The following GRIN2A variants were observed in gnomAD, a reference collection of about 807,000 sequenced individuals.
GRIN2A encodes the protein glutamate ionotropic receptor NMDA type subunit 2A, also known as glutamate receptor ionotropic, NMDA 2A.
A neutral mutation model predicts 113.4 loss-of-function variants in GRIN2A; 22 were observed. That is an observed-to-expected ratio of 0.19 (90% CI 0.14 to 0.28). The LOEUF (loss-of-function observed/expected upper bound fraction) is 0.28, where lower values mean the gene tolerates loss of function less well. GRIN2A is among the 10% of genes least tolerant of loss of function. The probability of loss-of-function intolerance (pLI) is 1.00; values close to 1 mark genes in which losing one functional copy is unlikely to be tolerated. For missense variants in GRIN2A, 1,502 were observed against 1,887.0 expected (o/e 0.80, Z 3.78); for synonymous variants, 827 against 738.4 (o/e 1.12, Z -1.94).
chr16:9,884,139 C>T (rs766705150), intron 4 of GRIN2A, among the ~76,000 whole-genome samples: 3 of 152,106 alleles, frequency 2.0e-5, no homozygotes, highest in South Asian at 2.1e-4. Flanking sequence ...TATATCAAAA[C>T]GTCATGTGCA....
At chr16:10,171,381 A>G (rs1301061759) in intron 2 of GRIN2A, 2 of 152,126 alleles carry the variant, frequency 1.3e-5, no homozygotes, top group East Asian at 3.8e-4. Context: ...ATATGTCCAC[A>G]CTCTAAATCC....
intron 5 of GRIN2A, among the ~76,000 whole-genome samples, chr16:9,845,148 C>G (rs2042750149): frequency 1.3e-5 from 2 of 152,126 alleles, no homozygotes; most frequent in African/African-American, 4.8e-5. Context: ...GTAAACTCCT[C>G]ATATCCCCAA....
chr16:10,055,061 A>C (rs2047424823), intron 2 of GRIN2A, among the ~76,000 whole-genome samples: 1 of 79,308 alleles, frequency 1.3e-5, no homozygotes, highest in African/African-American at 5.9e-5. Flanking sequence ...AAAAAAAAAA[A>C]AAAAAAAAAA....
At chr16:10,126,971 A>C (rs1310507127) in intron 2 of GRIN2A, among the ~76,000 whole-genome samples, 1 of 152,114 alleles carries the variant, frequency 6.6e-6, no homozygotes, top group Non-Finnish European at 1.5e-5. Context: ...TTTCTGGGGG[A>C]GTTGGAGCTG....
chr16:10,179,950 A>C, intron 2 of GRIN2A, 48 bp downstream of exon 2: 1 of 1,414,334 alleles, frequency 7.1e-7, no homozygotes, highest in Non-Finnish European at 9.6e-7. Context: ...GCTGCCATGC[A>C]GCTGGTGGCT....
At chr16:9,794,026 T>A (rs1902796015) in intron 11 of GRIN2A, among the ~76,000 whole-genome samples, 1 of 152,218 alleles carries the variant, frequency 6.6e-6, no homozygotes, top group Non-Finnish European at 1.5e-5. Flanking sequence ...TCTCAGTAAA[T>A]GTTGGGTATC....
Position 9,756,277 on chromosome 16 carries a change from C to G in GRIN2A, c.*6872G>C, listed in dbSNP as rs1900345846. On this transcript the variant is annotated 3_prime_UTR_variant, in exon 13 of 13. Transcript: ENST00000330684. ...ACATGCTAAGTAGAGAAAATAACTC[C>G]CCAGAAATTTTTTTAAATGCTAAGT... The G allele has an allele frequency of 4.4e-6, 1 of 228,146 alleles. No individual in the cohort carries two copies. Among genetic ancestry groups the G allele is most frequent in the Admixed American group, 5.7e-5 (1 of 17,584 alleles). 14.1% of individuals were successfully genotyped at this position (228,146 alleles called of 1,614,324 possible). A position where few individuals can be genotyped will look rare whatever the true frequency, so the allele number is the denominator to read the frequency against.
intron 2 of GRIN2A, among the ~76,000 whole-genome samples, chr16:10,117,672 C>G (rs2048753874): frequency 6.6e-6 from 1 of 152,196 alleles, no homozygotes; most frequent in Non-Finnish European, 1.5e-5. Context: ...GAACCATATG[C>G]TCCATCTCTG....
chr16:9,797,118 C>A (rs1903042358), intron 11 of GRIN2A, among the ~76,000 whole-genome samples: 1 of 152,232 alleles, frequency 6.6e-6, no homozygotes, highest in Non-Finnish European at 1.5e-5. Flanking sequence ...TAACCTCTGC[C>A]TATTTTGATA....
chr16:10,037,727 G>A (rs2047061772), intron 2 of GRIN2A, among the ~76,000 whole-genome samples: 1 of 152,114 alleles, frequency 6.6e-6, no homozygotes, highest in Admixed American at 6.5e-5. Flanking sequence ...CTGGACTCAG[G>A]TGATCCTCCC....
At chr16:9,975,226 TC>T (rs2045752251) in intron 2 of GRIN2A, among the ~76,000 whole-genome samples, 1 of 151,952 alleles carries the variant, frequency 6.6e-6, no homozygotes, top group South Asian at 2.1e-4. Flanking sequence ...GCAAAATGGA[TC>T]CCCCAAAGAT....
At position 9,760,355 on chromosome 16, in the gene GRIN2A, A is replaced by G; in HGVS notation, c.*2794T>C. The G allele has an allele frequency of 5.4e-6, 1 of 184,886 alleles. No homozygotes were observed. Among genetic ancestry groups the G allele is most frequent in the Non-Finnish European group, 1.0e-5 (1 of 95,430 alleles). 11.5% of individuals were successfully genotyped at this position (184,886 alleles called of 1,614,324 possible). A position where few individuals can be genotyped will look rare whatever the true frequency, so the allele number is the denominator to read the frequency against. ...CTCTACATCTTTTCCTTAGAAATTG[A>G]CCATCTGATCAGTAGTTGATTTTTT... On this transcript the variant is annotated 3_prime_UTR_variant, in exon 13 of 13. Transcript: ENST00000330684.
At chr16:10,154,942 C>T (rs1361529385) in intron 2 of GRIN2A, among the ~76,000 whole-genome samples, 1 of 152,214 alleles carries the variant, frequency 6.6e-6, no homozygotes, top group African/African-American at 2.4e-5. Flanking sequence ...GAAGGGGAGT[C>T]TTCTGATCAA....
At chr16:10,044,410 T>C (rs1248194561) in intron 2 of GRIN2A, among the ~76,000 whole-genome samples, 1 of 151,870 alleles carries the variant, frequency 6.6e-6, no homozygotes, top group Non-Finnish European at 1.5e-5. Context: ...ACAGAAAAGT[T>C]TGACTTGCCT....
At chr16:9,981,941 C>G (rs2045899854) in intron 2 of GRIN2A, among the ~76,000 whole-genome samples, 1 of 152,066 alleles carries the variant, frequency 6.6e-6, no homozygotes, top group Non-Finnish European at 1.5e-5. Flanking sequence ...CATGTGCCAC[C>G]ATGCCTAGCT....
At position 9,765,983 on chromosome 16, in the gene GRIN2A, C is replaced by G. The variant is rs1453015010; in HGVS notation, c.2596-1035G>C. Among the ~76,000 whole-genome samples the G allele has an allele frequency of 5.3e-5, 8 of 152,310 alleles. No homozygotes were observed. In the South Asian group the frequency reaches 1.4e-3, roughly 28 times the overall value. The stretch of plus-strand genomic sequence containing the variant: ...CGTTCACTTAAAAGTAGCTGTTCAA[C>G]TGTTATCAAGGGAAGAGCCCTTGAT... On this transcript the variant is annotated intron_variant, in intron 12 of 12. Transcript: ENST00000330684.
intron 2 of GRIN2A, among the ~76,000 whole-genome samples, chr16:10,122,838 C>G (rs953036853): frequency 1.3e-5 from 2 of 152,104 alleles, no homozygotes; most frequent in South Asian, 4.1e-4. Context: ...TATGCAACCA[C>G]TCATTATTTT....
intron 11 of GRIN2A, among the ~76,000 whole-genome samples, chr16:9,795,712 G>A (rs8052634): frequency 0.023 from 3,436 of 152,192 alleles, 132 homozygotes; most frequent in African/African-American, 0.075. Context: ...CTTCACACCA[G>A]CCTTATTAGG....
intron 11 of GRIN2A, among the ~76,000 whole-genome samples, chr16:9,785,023 C>T (rs1307363152): frequency 6.6e-6 from 1 of 152,194 alleles, no homozygotes; most frequent in East Asian, 1.9e-4. Flanking sequence ...TTGTGGAAGT[C>T]AGTGTGGCGA....
Sources: allele counts gnomAD v4.1 joint callset (sites outside exome capture counted in the v4.1 genomes callset), GRCh38; gene constraint gnomAD v4.1.1; transcripts MANE v1.5; gene names NCBI Gene and HGNC (gene_info 2026-07-23, HGNC 2026-07-21).